RPGRIP1L: variants seen among roughly 807,000 people sequenced by gnomAD.
RPGRIP1L encodes the protein RPGRIP1 like.
A neutral mutation model predicts 160.4 loss-of-function variants in RPGRIP1L; 131 were observed. The ratio of observed to expected loss-of-function variants is 0.82; its 90% CI spans 0.71 to 0.94. RPGRIP1L has a LOEUF of 0.94. RPGRIP1L is among the 40% of genes least tolerant of loss of function. RPGRIP1L has a pLI of 0.00. For missense variants in RPGRIP1L, 1,522 were observed against 1,535.8 expected (o/e 0.99, Z 0.15); for synonymous variants, 510 against 515.8 (o/e 0.99, Z 0.15).
chr16:53,680,050 A>G (rs1969490890), intron 6 of RPGRIP1L, among the ~76,000 whole-genome samples: 1 of 151,698 alleles, frequency 6.6e-6, no homozygotes, highest in Non-Finnish European at 1.5e-5. Context: ...CTAAGTTTTA[A>G]CTTTCCCTCC....
rs184829499 is a variant in RPGRIP1L at position 53,632,756 on chromosome 16, T to C, written c.3294+3683A>G. ...TACGTTCTCTCAGATTCTCATGCTTTTCATTCCTTTGGCCTATGATTTTCT... is the reference window on the plus strand; with the variant it reads ...TACGTTCTCTCAGATTCTCATGCTTCTCATTCCTTTGGCCTATGATTTTCT... On this transcript the variant is annotated intron_variant, in intron 22 of 26. Transcript: ENST00000647211. Among the ~76,000 whole-genome samples, 27 of 152,304 alleles carry C rather than the reference T, an allele frequency of 1.8e-4. No individual in the cohort carries two copies. In the East Asian group the frequency reaches 5.2e-3, roughly 29 times the overall value.
At chr16:53,694,073 T>C (rs1170962445) in intron 3 of RPGRIP1L, 1 of 152,198 alleles carries the variant, frequency 6.6e-6, no homozygotes, top group African/African-American at 2.4e-5. Flanking sequence ...TTCCATTTGC[T>C]GGATTTGATT....
intron 9 of RPGRIP1L, among the ~76,000 whole-genome samples, chr16:53,665,468 T>C (rs62050417): frequency 0.049 from 7,433 of 152,130 alleles, 290 homozygotes; most frequent in African/African-American, 0.1. Context: ...GTTCACAAAA[T>C]ATTGGCCACA....
rs1318260467 is a variant in RPGRIP1L, at chr16:53,622,208, C to CA, written c.3432+10dup. On this transcript the variant is annotated intron_variant, in intron 23 of 26. Coordinates refer to ENST00000647211, the MANE Select transcript of RPGRIP1L (RefSeq NM_015272.5). ...TGAAACCCCGTCTCTGCTAAAATTA[C>CA]AAAAAATTACCTGGGTGTGGTGGCA... 2 of 658,764 alleles carry CA rather than the reference C, an allele frequency of 3.0e-6. No homozygotes were observed. The highest frequency in any genetic ancestry group is 5.5e-6 in the Non-Finnish European group (2 of 364,622). 40.8% of individuals were successfully genotyped at this position (658,764 alleles called of 1,614,324 possible).
rs2151128005 is a variant in RPGRIP1L at position 53,652,914 on chromosome 16, A to G, written c.1773T>C (p.Val591=). The change falls in exon 15 of 27, where the codon GTT becomes GTC. Residue 591 remains valine, a synonymous_variant. Coordinates refer to ENST00000647211, the MANE Select transcript of RPGRIP1L (RefSeq NM_015272.5). ...FKPEIMPDDS[V]DEFDETIHLE... The stretch of plus-strand genomic sequence containing the variant: ...AGTGGATGGTTTCATCAAATTCATC[A>G]ACAGAGTCATCTGGCATGATTTCTG... 1.9e-6 allele frequency: 3 copies of G among 1,613,354 alleles called. No homozygotes were observed. Among genetic ancestry groups the G allele is most frequent in the Non-Finnish European group, 2.5e-6 (3 of 1,179,828 alleles).
At position 53,686,572 on chromosome 16, in the gene RPGRIP1L, T is replaced by C; in HGVS notation, c.637A>G (p.Asn213Asp). Residue 213 changes from asparagine (N) to aspartate (D), a missense_variant, in exon 6 of 27, where the codon AAC becomes GAC. Coordinates refer to ENST00000647211, the MANE Select transcript of RPGRIP1L (RefSeq NM_015272.5). The stretch of plus-strand genomic sequence containing the variant: ...TGGCCTCTTTGTGACTGAATAACGT[T>C]TTCTCTGAAATAAAGAGCCTCTGTA... ...EARGEIRNLE[N>D]VIQSQRGQIE... The C allele has an allele frequency of 6.2e-7, 1 of 1,613,542 alleles. No homozygotes were observed. Among genetic ancestry groups the C allele is most frequent in the Non-Finnish European group, 8.5e-7 (1 of 1,179,690 alleles).
intron 6 of RPGRIP1L, among the ~76,000 whole-genome samples, chr16:53,684,488 C>T (rs1309023502): frequency 6.6e-6 from 1 of 151,098 alleles, no homozygotes; most frequent in South Asian, 2.1e-4. Context: ...CAAACTATCG[C>T]AAGGACAAAA....
At chr16:53,605,699 T>G in intron 25 of RPGRIP1L, 85 bp from the exon 26 acceptor site, 1 of 1,379,062 alleles carries the variant, frequency 7.3e-7, no homozygotes, top group Non-Finnish European at 1.0e-6. Context: ...GTGTTATCAC[T>G]AGGTATAAAA....
intron 6 of RPGRIP1L, among the ~76,000 whole-genome samples, chr16:53,675,767 A>C (rs956811127): frequency 1.3e-5 from 2 of 152,180 alleles, no homozygotes; most frequent in South Asian, 4.1e-4. Context: ...TAGAAACCTT[A>C]TATGTTACAA....
chr16:53,695,502 C>A, intron 3 of RPGRIP1L: 1 of 683,844 alleles, frequency 1.5e-6, no homozygotes, highest in Non-Finnish European at 2.7e-6. Context: ...GATTACACAT[C>A]TGAACACACT....
intron 1 of RPGRIP1L, among the ~76,000 whole-genome samples, chr16:53,701,495 T>C (rs1209585555): frequency 1.3e-5 from 2 of 150,486 alleles, no homozygotes; most frequent in Non-Finnish European, 3.0e-5. Flanking sequence ...CTATTTTGAG[T>C]ATGGATGTGA....
intron 26 of RPGRIP1L, among the ~76,000 whole-genome samples, chr16:53,605,145 C>T (rs1257725647): frequency 6.6e-6 from 1 of 151,844 alleles, no homozygotes; most frequent in African/African-American, 2.4e-5. Context: ...TGCACTCCAA[C>T]TTGGGTGACA....
chr16:53,701,695 T>C (rs1048664568), intron 1 of RPGRIP1L: 2 of 151,870 alleles, frequency 1.3e-5, no homozygotes, highest in African/African-American at 4.8e-5. Context: ...CAGCTCTGTA[T>C]TCTTGGAGGC....
intron 7 of RPGRIP1L, among the ~76,000 whole-genome samples, chr16:53,673,658 C>T (rs1335165685): frequency 1.3e-5 from 2 of 151,938 alleles, no homozygotes; most frequent in Non-Finnish European, 2.9e-5. Context: ...CATGCAATGC[C>T]TCACCTGCTA....
At chr16:53,678,254 TC>T (rs1351499253) in intron 6 of RPGRIP1L, among the ~76,000 whole-genome samples, 1 of 151,802 alleles carries the variant, frequency 6.6e-6, no homozygotes, top group African/African-American at 2.4e-5. Flanking sequence ...AGATTTCATG[TC>T]CAAAAAAAAG....
At chr16:53,642,683 T>C (rs1966301128) in intron 17 of RPGRIP1L, among the ~76,000 whole-genome samples, 1 of 152,132 alleles carries the variant, frequency 6.6e-6, no homozygotes, top group Non-Finnish European at 1.5e-5. Flanking sequence ...CAACTGCACC[T>C]CAGTAAGAAC....
chr16:53,677,312 ATGT>A (rs1197476930), intron 6 of RPGRIP1L, among the ~76,000 whole-genome samples: 6 of 152,306 alleles, frequency 3.9e-5, no homozygotes, highest in South Asian at 2.1e-4. Context: ...TGGTATAATA[ATGT>A]TGTACTTCAA....
Position 53,687,984 on chromosome 16 carries a change from A to T in RPGRIP1L, c.530-19T>A. 1 of 1,364,664 alleles carries T rather than the reference A, an allele frequency of 7.3e-7. No individual in the cohort carries two copies. Among genetic ancestry groups the T allele is most frequent in the Non-Finnish European group, 1.0e-6 (1 of 953,798 alleles). 84.5% of individuals were successfully genotyped at this position (1,364,664 alleles called of 1,614,324 possible). On this transcript the variant is annotated intron_variant, in intron 4 of 26. Transcript: ENST00000647211. ...TTTATACCTAAAAACAAAGTAATAA[A>T]ATATGATTACAGAATTGAAGTTAGA...
intron 5 of RPGRIP1L, among the ~76,000 whole-genome samples, chr16:53,686,974 C>T (rs185995858): frequency 3.9e-5 from 6 of 152,140 alleles, no homozygotes; most frequent in African/African-American, 1.2e-4. Flanking sequence ...GGAAATTTGC[C>T]AAATATAACT....
Sources: gnomAD v4.1 joint callset for allele counts (sites outside exome capture counted in the v4.1 genomes callset) on GRCh38, gnomAD v4.1.1 for gene constraint, MANE v1.5 for transcripts, NCBI Gene and HGNC (gene_info 2026-07-23, HGNC 2026-07-21) for gene names.